The following DNAJC2 variants were observed in gnomAD, a reference collection of about 807,000 sequenced individuals.
DNAJC2 encodes the protein DnaJ heat shock protein family (Hsp40) member C2.
Under a neutral mutation model 94.0 loss-of-function variants are expected in DNAJC2, and 32 were observed. The ratio of observed to expected loss-of-function variants is 0.34; its 90% CI spans 0.26 to 0.46. The LOEUF (loss-of-function observed/expected upper bound fraction) is 0.46, where lower values mean the gene tolerates loss of function less well. Ranked by LOEUF, DNAJC2 falls within the 20% of genes least tolerant of loss-of-function variation. DNAJC2 has a pLI of 1.00. For synonymous variants in DNAJC2, 210 were observed against 229.7 expected (o/e 0.91, Z 0.77); for missense variants, 550 against 719.5 (o/e 0.76, Z 2.69).
At chr7:103,340,241 T>C (rs1440348921) in intron 2 of DNAJC2, among the ~76,000 whole-genome samples, 1 of 152,246 alleles carries the variant, frequency 6.6e-6, no homozygotes, top group Non-Finnish European at 1.5e-5. Flanking sequence ...TTGTTTTCTT[T>C]CTACTTCTGT....
intron 15 of DNAJC2, chr7:103,313,396 A>G (rs1817868849): frequency 1.0e-6 from 1 of 984,306 alleles, no homozygotes; most frequent in Non-Finnish European, 1.2e-6. Context: ...CAGACTGGTA[A>G]AAAGCCATAT....
intron 12 of DNAJC2, among the ~76,000 whole-genome samples, chr7:103,318,234 T>C (rs974726271): frequency 6.6e-6 from 1 of 152,106 alleles, no homozygotes; most frequent in East Asian, 1.9e-4. Flanking sequence ...GACATGATCA[T>C]AGCTCACTGC....
chr7:103,337,635 AGTTATGG>A, intron 3 of DNAJC2, 94 bp downstream of exon 3: 1 of 917,798 alleles, frequency 1.1e-6, no homozygotes, highest in South Asian at 1.5e-5. Flanking sequence ...TGTTAAATGT[AGTTATGG>A]CTGCAGACTA....
chr7:103,317,263 T>C (rs1459882314), intron 12 of DNAJC2: 5 of 428,822 alleles, frequency 1.2e-5, no homozygotes. Context: ...TCATGTGACT[T>C]CCATTAGCCT....
intron 15 of DNAJC2, among the ~76,000 whole-genome samples, chr7:103,314,843 G>C (rs1429344288): frequency 6.6e-6 from 1 of 152,158 alleles, no homozygotes; most frequent in Non-Finnish European, 1.5e-5. Context: ...CTTATGTATA[G>C]TCAAGTCTAT....
At chr7:103,321,789 G>A (rs557311546) in intron 10 of DNAJC2, 143 bp downstream of exon 10, 19 of 840,062 alleles carry the variant, frequency 2.3e-5, no homozygotes, top group Admixed American at 1.9e-4. Flanking sequence ...CGGAAATTGC[G>A]GTGAACTGAG....
At chr7:103,336,609 G>C (rs1819184620) in intron 3 of DNAJC2, 1 of 152,236 alleles carries the variant, frequency 6.6e-6, no homozygotes, top group African/African-American at 2.4e-5. Context: ...GCCTCCCAAA[G>C]TGTTGGGATT....
rs775655718 is a variant in DNAJC2 at position 103,312,999 on chromosome 7, A to G, written c.1739T>C (p.Ile580Thr). 1.9e-6 allele frequency: 3 copies of G among 1,613,872 alleles called. No homozygotes were observed. Among genetic ancestry groups the G allele is most frequent in the South Asian group, 1.1e-5 (1 of 91,064 alleles). Residue 580 changes from isoleucine (I) to threonine (T), a missense_variant, in exon 16 of 17, where the codon ATA (isoleucine) becomes ACA (threonine). Around this residue, in one of 2 missense-constraint regions of DNAJC2, gnomAD observed 271 missense variants for 302.6 expected, o/e 0.90. Coordinates refer to ENST00000379263, the MANE Select transcript of DNAJC2 (RefSeq NM_014377.3). Reference sequence around the variant, plus strand: ...TGTCCTGCCAGGCACCGCTTCTGCTATTTTTTCCCATCTTTCAGGTGTATT... The same window carrying G: ...TGTCCTGCCAGGCACCGCTTCTGCTGTTTTTTCCCATCTTTCAGGTGTATT... The part of the protein sequence containing the change: ...PVNTPERWEK[I>T]AEAVPGRTKK...
chr7:103,316,591 C>T (rs1171815603), intron 13 of DNAJC2: 3 of 465,568 alleles, frequency 6.4e-6, no homozygotes, highest in Non-Finnish European at 7.5e-6. Context: ...CAAGACTTGT[C>T]TCATGATCTT....
chr7:103,328,633 A>AAAG (rs34329185), intron 3 of DNAJC2, among the ~76,000 whole-genome samples: 10,591 of 152,036 alleles, frequency 0.07, 1,240 homozygotes, highest in African/African-American at 0.24. Context: ...TCTGTGTCAA[A>AAAG]AAGAAGAAGA....
chr7:103,341,724 C>T, intron 2 of DNAJC2, 40 bp downstream of exon 2: 1 of 1,467,056 alleles, frequency 6.8e-7, no homozygotes, highest in Non-Finnish European at 9.1e-7. Flanking sequence ...CTATGTCTAA[C>T]AAAGCATCTG....
intron 12 of DNAJC2, among the ~76,000 whole-genome samples, chr7:103,319,050 A>G (rs1391367240): frequency 6.6e-6 from 1 of 152,122 alleles, no homozygotes; most frequent in Admixed American, 6.6e-5. Context: ...TGTCTCTAGT[A>G]AAAATACAAA....
intron 2 of DNAJC2, 46 bp downstream of exon 2, chr7:103,341,718 G>T: frequency 7.0e-7 from 1 of 1,438,542 alleles, no homozygotes; most frequent in Non-Finnish European, 9.3e-7. Context: ...AATTGTCTAT[G>T]TCTAACAAAG....
intron 10 of DNAJC2, among the ~76,000 whole-genome samples, chr7:103,320,675 C>T (rs1040042933): frequency 2.7e-5 from 4 of 150,736 alleles, no homozygotes; most frequent in East Asian, 4.0e-4. Flanking sequence ...ACCCAGGAGG[C>T]GGAGCTTGCA....
chr7:103,327,284 GAA>G (rs749664223), intron 4 of DNAJC2: 593 of 841,220 alleles, frequency 7.0e-4, no homozygotes, highest in Middle Eastern at 1.6e-3. Flanking sequence ...CATCTGAAAC[GAA>G]AAAAAAAAAA....
In DNAJC2 at chr7:103,337,806, T is replaced by C; in HGVS notation, c.261A>G (p.Gln87=). 6.2e-7 allele frequency: 1 copy of C among 1,613,076 alleles called. No individual in the cohort carries two copies. The highest frequency in any genetic ancestry group is 8.5e-7 in the Non-Finnish European group (1 of 1,179,734). The change falls in exon 3 of 17, where the codon CAA becomes CAG. Residue 87 remains glutamine (Q), a synonymous_variant. Coordinates refer to ENST00000379263, the MANE Select transcript of DNAJC2 (RefSeq NM_014377.3). The stretch of plus-strand genomic sequence containing the variant: ...CAAGTCCAAGAACTGCATAATGATC[T>C]TGGTTCTGGAAAAAAAACACAAAAG... ...KTLDPKDWKN[Q]DHYAVLGLGH... is the part of the protein sequence containing the mutation.
At chr7:103,323,998 T>C (rs1563463411) in intron 6 of DNAJC2, among the ~76,000 whole-genome samples, 3 of 152,220 alleles carry the variant, frequency 2.0e-5, no homozygotes, top group African/African-American at 7.2e-5. Flanking sequence ...CATCTCCAGT[T>C]TGTATCCTCT....
In DNAJC2 at chr7:103,327,637, C is replaced by T. The variant is rs1293784956; in HGVS notation, c.430+19G>A. The T allele has an allele frequency of 9.4e-6, 14 of 1,496,592 alleles. No homozygotes were observed. In the Admixed American group the frequency reaches 2.1e-4, roughly 22 times the overall value. The allele number at this position is 1,496,592 out of a possible 1,614,324, so 92.7% of individuals were successfully genotyped here. A position where few individuals can be genotyped will look rare whatever the true frequency, so the allele number is the denominator to read the frequency against. On this transcript the variant is annotated intron_variant, in intron 4 of 16. Coordinates refer to ENST00000379263, the MANE Select transcript of DNAJC2 (RefSeq NM_014377.3). ...AACAATTACTATTAGAAATTCCTGA[C>T]TCTAAAGCATTTTCTTACCTTTAGT...
intron 14 of DNAJC2, 33 bp from the exon 15 acceptor site, chr7:103,315,904 A>T: frequency 6.4e-7 from 1 of 1,554,732 alleles, no homozygotes; most frequent in Non-Finnish European, 8.8e-7. Context: ...TACTTAACAG[A>T]TCATCATTTA....
Sources: allele counts gnomAD v4.1 joint callset (sites outside exome capture counted in the v4.1 genomes callset), GRCh38; gene constraint gnomAD v4.1.1; regional missense constraint gnomAD v4.1.1; transcripts MANE v1.5; gene names NCBI Gene and HGNC (gene_info 2026-07-23, HGNC 2026-07-21).